TBC1D17: variants seen among roughly 807,000 people sequenced by gnomAD.
TBC1D17 encodes the protein TBC1 domain family member 17, also known as TBC1 domain family, member 17.
TBC1D17 carries 69 observed loss-of-function variants against 78.8 expected under a neutral mutation model. The observed-to-expected ratio is 0.88, with a 90% confidence interval of 0.72 to 1.07. The LOEUF (loss-of-function observed/expected upper bound fraction) is 1.07. Ranked by LOEUF, TBC1D17 falls within the 50% of genes least tolerant of loss-of-function variation. The pLI is 0.00. For synonymous variants in TBC1D17, 456 were observed against 358.3 expected (o/e 1.27, Z -3.08); for missense variants, 957 against 861.0 (o/e 1.11, Z -1.39).
chr19:49,881,627 G>T, intron 5 of TBC1D17, 152 bp downstream of exon 5: 1 of 763,074 alleles, frequency 1.3e-6, no homozygotes. Context: ...AGTCAAAAAG[G>T]AGTATTGATT....
intron 7 of TBC1D17, 97 bp from the exon 8 acceptor site, chr19:49,882,667 G>A (rs2075025746): frequency 1.4e-5 from 20 of 1,436,076 alleles, no homozygotes; most frequent in East Asian, 7.6e-5. Flanking sequence ...TTAGTCATCC[G>A]TCAAGCTAAT....
chr19:49,879,856 T>C (rs201098415), intron 3 of TBC1D17, among the ~76,000 whole-genome samples: 14 of 135,162 alleles, frequency 1.0e-4, no homozygotes, highest in Admixed American at 3.6e-4. Context: ...TTTCTTTTTT[T>C]TTTTTTTTTT....
At chr19:49,887,282 C>A in intron 13 of TBC1D17, 194 bp from the exon 14 acceptor site, 1 of 596,774 alleles carries the variant, frequency 1.7e-6, no homozygotes, top group African/African-American at 1.9e-5. Flanking sequence ...TATAATAGCA[C>A]ACTTCCTCTG....
In TBC1D17 at chr19:49,883,052, A is replaced by G; in HGVS notation, c.1007A>G (p.His336Arg). 1 of 1,610,368 alleles carries G rather than the reference A, an allele frequency of 6.2e-7. No individual in the cohort carries two copies. Among genetic ancestry groups the G allele is most frequent in the Non-Finnish European group, 8.5e-7 (1 of 1,178,436 alleles). The stretch of plus-strand genomic sequence containing the variant: ...AGCTGGGAAGGCACAGCTGAGGAGC[A>G]CAAGGCCCACATACGCAAGAAAACG... ...YLSWEGTAEE[H>R]KAHIRKKTDE... The change falls in exon 9 of 17, where the codon CAC becomes CGC. Residue 336 changes from histidine to arginine, a missense_variant. Physicochemically the swap from His to Arg is conservative, Grantham distance 29. Transcript: ENST00000221543.
chr19:49,884,699 A>C lies in TBC1D17; in HGVS notation c.1385A>C (p.Gln462Pro), dbSNP rs746626348. 3.1e-6 allele frequency: 5 copies of C among 1,614,084 alleles called. No individual in the cohort carries two copies. The highest frequency in any genetic ancestry group is 2.5e-6 in the Non-Finnish European group (3 of 1,180,008). ...FEESQETMKR[Q>P]LGRLLLLLRV... Reference sequence around the variant, plus strand: ...GAGAGCCAGGAGACCATGAAGCGGCAACTCGGGCGACTGCTGCTGCTCCTG... The same window carrying C: ...GAGAGCCAGGAGACCATGAAGCGGCCACTCGGGCGACTGCTGCTGCTCCTG... Residue 462 changes from glutamine to proline, a missense_variant, in exon 13 of 17, where the codon CAA becomes CCA. Transcript: ENST00000221543.
chr19:49,884,162 C>T (rs2075039078), intron 10 of TBC1D17, 91 bp from the exon 11 acceptor site: 5 of 1,172,220 alleles, frequency 4.3e-6, no homozygotes, highest in South Asian at 1.3e-5. Context: ...GGGCTGCCAG[C>T]AGGAGGAGCA....
At chr19:49,880,194 T>G (rs537467432) in intron 3 of TBC1D17, 85 bp from the exon 4 acceptor site, 2 of 1,537,826 alleles carry the variant, frequency 1.3e-6, no homozygotes, top group Non-Finnish European at 1.8e-6. Context: ...TCCCTCTTTA[T>G]TCAATGGGGC....
chr19:49,881,329 G>A lies in TBC1D17; in HGVS notation c.381G>A (p.Lys127=), dbSNP rs149894713. Residue 127 remains lysine, a synonymous_variant, in exon 5 of 17, where the codon AAG becomes AAA. Transcript: ENST00000221543. The stretch of plus-strand genomic sequence containing the variant: ...TCTCAGTGAGTCTGGGGGAGCTAAA[G>A]TCCATCCGCCGCTCCAAGCCAGGCC... ...WAFSVSLGEL[K]SIRRSKPGLS... is the part of the protein sequence containing the mutation. 40 of 1,613,224 alleles carry A rather than the reference G, an allele frequency of 2.5e-5. No individual in the cohort carries two copies. The African/African-American group carries it at 4.1e-4, about 17-fold the overall frequency.
At chr19:49,878,688 C>G in intron 3 of TBC1D17, 116 bp downstream of exon 3, 1 of 964,634 alleles carries the variant, frequency 1.0e-6, no homozygotes, top group East Asian at 2.5e-5. Flanking sequence ...CATGTGTGAC[C>G]CTGTTTAGGC....
chr19:49,886,934 T>TA, intron 13 of TBC1D17: 1 of 163,672 alleles, frequency 6.1e-6, no homozygotes, highest in East Asian at 1.8e-4. Flanking sequence ...GAGCTGGAAT[T>TA]ACAGGGGTGT....
chr19:49,878,771 A>T (rs2074983658), intron 3 of TBC1D17, 199 bp downstream of exon 3: 1 of 591,676 alleles, frequency 1.7e-6, no homozygotes, highest in Non-Finnish European at 3.0e-6. Flanking sequence ...GAAAAAGAGC[A>T]GGGAGCATAA....
chr19:49,884,746 T>G lies in TBC1D17; in HGVS notation c.1432T>G (p.Cys478Gly). Residue 478 changes from cysteine to glycine, a missense_variant, in exon 13 of 17, where the codon TGC (cysteine) becomes GGC (glycine). By Grantham distance (159) the Cys-to-Gly change is radical (BLOSUM62 -3). Coordinates refer to ENST00000221543, the MANE Select transcript of TBC1D17 (RefSeq NM_024682.3). ...CCTGAGGGTGCTGGACCCCCTGCTC[T>G]GCGACTTCCTGGGTATGTCTCTCGG... Reference protein sequence around the residue: ...LLLRVLDPLLCDFLDSQDSGS... With the variant: ...LLLRVLDPLLGDFLDSQDSGS... 6.2e-7 allele frequency: 1 copy of G among 1,613,852 alleles called. No individual in the cohort carries two copies. Among genetic ancestry groups the G allele is most frequent in the Non-Finnish European group, 8.5e-7 (1 of 1,179,982 alleles).
intron 15 of TBC1D17, 35 bp from the exon 16 acceptor site, chr19:49,888,196 G>A: frequency 1.3e-6 from 2 of 1,556,132 alleles, no homozygotes; most frequent in Non-Finnish European, 8.7e-7. Context: ...AGGTGGTTGA[G>A]TGCCGACTGG....
At chr19:49,878,664 A>C (rs1342763096) in intron 3 of TBC1D17, 92 bp downstream of exon 3, 4 of 1,248,340 alleles carry the variant, frequency 3.2e-6, no homozygotes, top group Non-Finnish European at 4.7e-6. Flanking sequence ...ACAATCCCAG[A>C]CCTACTCGTG....
intron 2 of TBC1D17, 113 bp from the exon 3 acceptor site, chr19:49,878,385 G>T: frequency 2.4e-6 from 3 of 1,273,056 alleles, no homozygotes; most frequent in East Asian, 2.4e-5. Context: ...AATGAGGGGC[G>T]GGACTTTGAA....
chr19:49,884,845 C>A, intron 13 of TBC1D17, 87 bp downstream of exon 13: 1 of 1,172,274 alleles, frequency 8.5e-7, no homozygotes, highest in Non-Finnish European at 1.3e-6. Context: ...GCATCCTGGA[C>A]ATTGGGTCCT....
chr19:49,882,422 C>T, intron 7 of TBC1D17, 22 bp downstream of exon 7: 1 of 1,584,998 alleles, frequency 6.3e-7, no homozygotes, highest in Non-Finnish European at 8.6e-7. Context: ...GTGGACCCTC[C>T]CTGTTATTTC....
rs763358651 is a variant in TBC1D17, at chr19:49,884,520, G to A, written c.1305G>A (p.Val435=). 63 of 1,614,048 alleles carry A rather than the reference G, an allele frequency of 3.9e-5. No individual in the cohort carries two copies. The highest frequency in any genetic ancestry group is 5.2e-5 in the Non-Finnish European group (61 of 1,180,034). The part of the protein sequence containing the change: ...SPILYVIQNE[V]DAFWCFCGFM... ...TCCTCTACGTCATTCAGAACGAGGT[G>A]GATGCTTTCTGGTGTTTCTGTGGCT... is the stretch of plus-strand genomic sequence containing the variant. Residue 435 remains valine, a synonymous_variant, in exon 12 of 17, where the codon GTG becomes GTA. Coordinates refer to ENST00000221543, the MANE Select transcript of TBC1D17 (RefSeq NM_024682.3).
In TBC1D17 at chr19:49,888,215, C is replaced by T. The variant is rs528431362; in HGVS notation, c.1660-16C>T. 7.1e-5 allele frequency: 111 copies of T among 1,568,424 alleles called. 1 individual carries two copies. The South Asian group carries it at 1.2e-3, about 17-fold the overall frequency. Reference sequence around the variant, plus strand: ...GGTTGAGTGCCGACTGGCGCCTGACCCACCCCCTCCCGCAGCACATCAACG... The same window carrying T: ...GGTTGAGTGCCGACTGGCGCCTGACTCACCCCCTCCCGCAGCACATCAACG... On this transcript the variant is annotated splice_polypyrimidine_tract_variant and intron_variant, in intron 15 of 16. Transcript: ENST00000221543.
Sources: gnomAD v4.1 joint callset for allele counts (sites outside exome capture counted in the v4.1 genomes callset) on GRCh38, gnomAD v4.1.1 for gene constraint, MANE v1.5 for transcripts, NCBI Gene and HGNC (gene_info 2026-07-23, HGNC 2026-07-21) for gene names.